Variants in DENND3 observed in about 807,000 individuals in gnomAD.
DENND3 encodes DENN domain containing 3.
Under a neutral mutation model 135.1 loss-of-function variants are expected in DENND3, and 88 were observed. The ratio of observed to expected loss-of-function variants is 0.65; its 90% CI spans 0.55 to 0.78. The LOEUF (loss-of-function observed/expected upper bound fraction) is 0.78, where lower values mean the gene tolerates loss of function less well. Among genes scored for constraint, DENND3 ranks in the 30% least tolerant of loss-of-function variants. The pLI, the probability that DENND3 is intolerant of heterozygous loss-of-function variation, is 0.00. For missense variants in DENND3, 1,392 were observed against 1,688.4 expected (o/e 0.82, Z 3.08); for synonymous variants, 693 against 712.3 (o/e 0.97, Z 0.43).
rs1817796540 is a variant in DENND3, at chr8:141,144,352, G to A, written c.735+93G>A. The A allele has an allele frequency of 8.5e-7, 1 of 1,180,588 alleles. No homozygotes were observed. The allele number at this position is 1,180,588 out of a possible 1,614,324, so 73.1% of individuals were successfully genotyped here. A position where few individuals can be genotyped will look rare whatever the true frequency, so the allele number is the denominator to read the frequency against. On this transcript the variant is annotated intron_variant, in intron 5 of 22. Transcript: ENST00000519811. The surrounding 1 kb of genome is among the most constrained non-coding windows in gnomAD (Gnocchi z 4.4). ...GTAAATGCTCACAACTATTTCTGAAGTTCTAGCTGTTGTAAACCTAAAATA... is the reference window on the plus strand; with the variant it reads ...GTAAATGCTCACAACTATTTCTGAAATTCTAGCTGTTGTAAACCTAAAATA...
At position 141,138,942 on chromosome 8, in the gene DENND3, G is replaced by T. The variant is rs1036312153; in HGVS notation, c.501+805G>T. Among the ~76,000 whole-genome samples, 1 of 152,182 alleles carries T rather than the reference G, an allele frequency of 6.6e-6. No homozygotes were observed. On this transcript the variant is annotated intron_variant, in intron 3 of 22. Coordinates refer to ENST00000519811, the MANE Select transcript of DENND3 (RefSeq NM_001352890.3). The surrounding 1 kb of genome is among the most constrained non-coding windows in gnomAD (Gnocchi z 4.8). Reference sequence around the variant, plus strand: ...TCCGCCTTTTGTCTTTGGTGTGAGCGACTGGCGTTTAGACTTTACAACACA... The same window carrying T: ...TCCGCCTTTTGTCTTTGGTGTGAGCTACTGGCGTTTAGACTTTACAACACA...
chr8:141,178,085 C>T lies in DENND3; in HGVS notation c.2725C>T (p.Gln909Ter), dbSNP rs1425907862. 1 of 1,610,014 alleles carries T rather than the reference C, an allele frequency of 6.2e-7. No homozygotes were observed. The highest frequency in any genetic ancestry group is 1.3e-5 in the African/African-American group (1 of 75,014). Reference sequence around the variant, plus strand: ...GTTGTAGGACCCTCACTACGTCCAGCAGGCGCTGACCAACGTCTTGCTGAT... The same window carrying T: ...GTTGTAGGACCCTCACTACGTCCAGTAGGCGCTGACCAACGTCTTGCTGAT... The part of the protein sequence containing the change: ...DDHKDPHYVQ[Q>*]ALTNVLLMDA... The change falls in exon 16 of 23, where the codon CAG becomes TAG. Residue 909 changes from glutamine to a stop codon, truncating the protein, a stop_gained. Transcript: ENST00000519811. LOFTEE classifies it high-confidence loss of function.
intron 8 of DENND3, chr8:141,157,303 CG>C: frequency 4.1e-6 from 4 of 985,366 alleles, no homozygotes; most frequent in Non-Finnish European, 4.8e-6. Flanking sequence ...TACGTCAGGA[CG>C]GAGGTGTTGG....
At chr8:141,188,864 C>T (rs926562050) in intron 18 of DENND3, 122 bp from the exon 19 acceptor site, 58 of 1,324,224 alleles carry the variant, frequency 4.4e-5, no homozygotes, top group Middle Eastern at 1.8e-4. Flanking sequence ...CCTGAGCCGG[C>T]GTGTCCCCTA....
rs1817131425 is a variant in DENND3 at position 141,139,013 on chromosome 8, G to A, written c.501+876G>A. 6.6e-6 allele frequency among the ~76,000 whole-genome samples: 1 copy of A among 152,212 alleles called. No homozygotes were observed. Among genetic ancestry groups the A allele is most frequent in the Admixed American group, 6.5e-5 (1 of 15,284 alleles). On this transcript the variant is annotated intron_variant, in intron 3 of 22. Transcript: ENST00000519811. The surrounding 1 kb of genome is among the most constrained non-coding windows in gnomAD (Gnocchi z 4.2). ...GGGAGTGTTGTCTGGGTAGGGCCGT[G>A]TGTGTGAATCAGTGGGCCTTTGGGG...
At chr8:141,135,534 A>G (rs531159809) in intron 1 of DENND3, among the ~76,000 whole-genome samples, 154 of 152,220 alleles carry the variant, frequency 1.0e-3, no homozygotes, top group Admixed American at 2.6e-3. Flanking sequence ...TTGGGTACCC[A>G]GGGCCCCTTG....
At chr8:141,147,810 A>G (rs933950470) in intron 5 of DENND3, among the ~76,000 whole-genome samples, 2 of 152,248 alleles carry the variant, frequency 1.3e-5, no homozygotes, top group African/African-American at 4.8e-5. Context: ...AGAGCTGCCC[A>G]GCAGTGAGCT....
intron 16 of DENND3, among the ~76,000 whole-genome samples, chr8:141,180,460 G>A (rs1227200091): frequency 6.6e-6 from 1 of 152,176 alleles, no homozygotes; most frequent in Admixed American, 6.5e-5. Flanking sequence ...AGAAGGCTGT[G>A]TTTAAACAAA....
chr8:141,131,607 G>A (rs1816104041), intron 1 of DENND3, among the ~76,000 whole-genome samples: 1 of 152,156 alleles, frequency 6.6e-6, no homozygotes, highest in African/African-American at 2.4e-5. Context: ...CTAAACAGTT[G>A]GAGAGCAATA....
chr8:141,151,134 G>A (rs1291268219), intron 6 of DENND3, among the ~76,000 whole-genome samples, 181 bp downstream of exon 6: 1 of 152,206 alleles, frequency 6.6e-6, no homozygotes, highest in African/African-American at 2.4e-5. Context: ...TTTGCAAATG[G>A]CACCCTTTGC....
Position 141,137,896 on chromosome 8 carries a change from G to T in DENND3, c.386-126G>T. 1 of 883,722 alleles carries T rather than the reference G, an allele frequency of 1.1e-6. No individual in the cohort carries two copies. The highest frequency in any genetic ancestry group is 1.7e-6 in the Non-Finnish European group (1 of 581,102). 54.7% of individuals were successfully genotyped at this position (883,722 alleles called of 1,614,324 possible). A position where few individuals can be genotyped will look rare whatever the true frequency, so the allele number is the denominator to read the frequency against. ...GTGATCGGAAGAATGAACCCGCCTT[G>T]GACATGAAGGCACCACCACTGCTAA... On this transcript the variant is annotated intron_variant, in intron 2 of 22. Coordinates refer to ENST00000519811, the MANE Select transcript of DENND3 (RefSeq NM_001352890.3). The surrounding 1 kb of genome is among the most constrained non-coding windows in gnomAD (Gnocchi z 4.1).
chr8:141,178,280 A>G (rs1822653120), intron 16 of DENND3, 84 bp downstream of exon 16: 3 of 1,517,418 alleles, frequency 2.0e-6, no homozygotes, highest in Non-Finnish European at 1.8e-6. Context: ...CTGTTTTATC[A>G]AGTAGAACCG....
chr8:141,150,826 T>G lies in DENND3; in HGVS notation c.736-8T>G. ...CTCTGAACTAATGACGGGAACTGGT[T>G]GTCGTAGGTATTTAACATGAAGTCG... On this transcript the variant is annotated splice_polypyrimidine_tract_variant and splice_region_variant and intron_variant, in intron 5 of 22. Coordinates refer to ENST00000519811, the MANE Select transcript of DENND3 (RefSeq NM_001352890.3). The G allele has an allele frequency of 6.3e-7, 1 of 1,588,110 alleles. No individual in the cohort carries two copies. The highest frequency in any genetic ancestry group is 1.7e-4 in the Middle Eastern group (1 of 5,954).
rs957685619 is a variant in DENND3, at chr8:141,154,063, G to A, written c.1075-1786G>A. Among the ~76,000 whole-genome samples the A allele has an allele frequency of 1.3e-5, 2 of 152,224 alleles. No individual in the cohort carries two copies. Among genetic ancestry groups the A allele is most frequent in the African/African-American group, 4.8e-5 (2 of 41,458 alleles). On this transcript the variant is annotated intron_variant, in intron 7 of 22. Transcript: ENST00000519811. The surrounding 1 kb of genome is among the most constrained non-coding windows in gnomAD (Gnocchi z 4.4). ...AGACGCTGGGCGTTAACACATCCAC[G>A]GGACCGGCTGTGTGCCTCGCTGCTT...
chr8:141,180,210 A>G (rs1362753773), intron 16 of DENND3, among the ~76,000 whole-genome samples: 2 of 152,214 alleles, frequency 1.3e-5, no homozygotes, highest in Non-Finnish European at 2.9e-5. Context: ...TGCTACTGGC[A>G]TCTCATGATG....
Position 141,167,856 on chromosome 8 carries a change from T to C in DENND3, c.1754-148T>C. 3 of 1,099,422 alleles carry C rather than the reference T, an allele frequency of 2.7e-6. No individual in the cohort carries two copies. The highest frequency in any genetic ancestry group is 3.9e-6 in the Non-Finnish European group (3 of 774,902). 68.1% of individuals were successfully genotyped at this position (1,099,422 alleles called of 1,614,324 possible). On this transcript the variant is annotated intron_variant, in intron 12 of 22. Coordinates refer to ENST00000519811, the MANE Select transcript of DENND3 (RefSeq NM_001352890.3). This position sits in a 1 kb window ranked among gnomAD's most constrained non-coding sequence, Gnocchi z 4.1. ...CTCTCATGCCTCCCAGGGGGGTGGG[T>C]GTGTGGAGCTTTCTGGAGGGAGCAC...
intron 17 of DENND3, among the ~76,000 whole-genome samples, chr8:141,181,706 G>A (rs1295385946): frequency 2.0e-5 from 3 of 152,230 alleles, no homozygotes; most frequent in African/African-American, 4.8e-5. Context: ...GGAAGCTTAT[G>A]CTGAGGGTTT....
At chr8:141,145,436 G>C (rs907361712) in intron 5 of DENND3, among the ~76,000 whole-genome samples, 1 of 152,040 alleles carries the variant, frequency 6.6e-6, no homozygotes, top group African/African-American at 2.4e-5. Context: ...ACTGTAACCC[G>C]GCCCTCTGGG....
In DENND3 at chr8:141,163,804, A is replaced by G. The variant is rs369210284; in HGVS notation, c.1449+375A>G. ...ACGCCTGTAATCCCAGCTACTCAGGAGGCTAAGGCAGGAGAATTGCTTGAA... is the reference window on the plus strand; with the variant it reads ...ACGCCTGTAATCCCAGCTACTCAGGGGGCTAAGGCAGGAGAATTGCTTGAA... On this transcript the variant is annotated intron_variant, in intron 10 of 22. Coordinates refer to ENST00000519811, the MANE Select transcript of DENND3 (RefSeq NM_001352890.3). 9.4e-5 allele frequency among the ~76,000 whole-genome samples: 14 copies of G among 149,540 alleles called. No homozygotes were observed. In the East Asian group the frequency reaches 2.8e-3, roughly 30 times the overall value.
Sources: gnomAD v4.1 joint callset for allele counts (sites outside exome capture counted in the v4.1 genomes callset) on GRCh38, gnomAD v4.1.1 for gene constraint, Gnocchi (gnomAD v3.1) non-coding constraint, MANE v1.5 for transcripts, NCBI Gene and HGNC (gene_info 2026-07-23, HGNC 2026-07-21) for gene names.